Variants in PCDHGB5 observed in about 807,000 individuals in gnomAD.
The protein encoded by PCDHGB5 is protocadherin gamma-B5.
Under a neutral mutation model 62.9 loss-of-function variants are expected in PCDHGB5, and 48 were observed. The observed-to-expected ratio is 0.76, with a 90% confidence interval of 0.61 to 0.97. The LOEUF is 0.97. PCDHGB5 is among the 50% of genes least tolerant of loss of function. PCDHGB5 has a pLI of 0.00. For synonymous variants in PCDHGB5, 474 were observed against 511.2 expected, an observed-to-expected ratio of 0.93 and a Z score of 0.98; for missense variants, 1,118 against 1,198.6, an observed-to-expected ratio of 0.93 and a Z score of 0.99.
At chr5:141,478,189 C>T (rs774322691) in intron 1 of PCDHGB5, 1 of 1,614,020 alleles carries the variant, frequency 6.2e-7, no homozygotes, top group South Asian at 1.1e-5. Context: ...AAAATCTCAC[C>T]TTTTATCTAC....
Position 141,432,298 on chromosome 5 carries a change from A to T in PCDHGB5, c.2397+31774A>T. Reference sequence around the variant, plus strand: ...TGTCCATCAACTCCGACACTGGGGTACTGTATGCGCTGAGCTCCTTCGACT... The same window carrying T: ...TGTCCATCAACTCCGACACTGGGGTTCTGTATGCGCTGAGCTCCTTCGACT... On this transcript the variant is annotated intron_variant, in intron 1 of 3. Transcript: ENST00000617380. The surrounding 1 kb of genome is among the most constrained non-coding windows in gnomAD (Gnocchi z 6.0). The T allele has an allele frequency of 6.2e-7, 1 of 1,614,236 alleles. No homozygotes were observed. Among genetic ancestry groups the T allele is most frequent in the Non-Finnish European group, 8.5e-7 (1 of 1,180,036 alleles).
rs752796935 is a variant in PCDHGB5 at position 141,399,900 on chromosome 5, C to A, written c.1773C>A (p.Asp591Glu). ...TGGTGACCAAGGTAGTGGCCGTGGA[C>A]GCAGACTCAGGACACAACGCCTGGC... ...GYLVTKVVAV[D>E]ADSGHNAWLS... The change falls in exon 1 of 4, where the codon GAC (aspartate) becomes GAA (glutamate). Residue 591 changes from aspartate (D) to glutamate (E), a missense_variant. Physicochemically the swap from Asp to Glu is conservative, Grantham distance 45. Coordinates refer to ENST00000617380, the MANE Select transcript of PCDHGB5 (RefSeq NM_018925.3). The A allele has an allele frequency of 6.2e-7, 1 of 1,612,532 alleles. No individual in the cohort carries two copies. Among genetic ancestry groups the A allele is most frequent in the African/African-American group, 1.3e-5 (1 of 75,032 alleles).
At chr5:141,419,104 C>T (rs756257411) in intron 1 of PCDHGB5, 75 of 1,613,732 alleles carry the variant, frequency 4.6e-5, no homozygotes, top group Non-Finnish European at 5.9e-5. Context: ...GGGAGCAGAC[C>T]CCAGAGTACA....
At chr5:141,419,723 C>A in intron 1 of PCDHGB5, 6 of 1,613,292 alleles carry the variant, frequency 3.7e-6, no homozygotes, top group Non-Finnish European at 5.1e-6. Flanking sequence ...CCTGGGGCTG[C>A]GAACAGGCGA....
intron 1 of PCDHGB5, among the ~76,000 whole-genome samples, chr5:141,402,640 T>G (rs1180615388): frequency 1.3e-5 from 2 of 152,232 alleles, no homozygotes; most frequent in East Asian, 3.8e-4. Flanking sequence ...TCTAAAATCA[T>G]AATTAGAAGA....
At chr5:141,430,100 C>T (rs6874907) in intron 1 of PCDHGB5, among the ~76,000 whole-genome samples, 7,606 of 152,160 alleles carry the variant, frequency 0.05, 372 homozygotes, top group African/African-American at 0.13. Context: ...GATTTTTAAG[C>T]GTTACATGTC....
chr5:141,490,882 A>G lies in PCDHGB5; in HGVS notation c.2398-3925A>G, dbSNP rs758716907. ...CGGCTCTCCCCCATTGCATGCCAAC[A>G]CATCTCTGCATGTGTTTGTCCTAGA... On this transcript the variant is annotated intron_variant, in intron 1 of 3. Coordinates refer to ENST00000617380, the MANE Select transcript of PCDHGB5 (RefSeq NM_018925.3). This position sits in a 1 kb window ranked among gnomAD's most constrained non-coding sequence, Gnocchi z 5.4. 6.2e-7 allele frequency: 1 copy of G among 1,613,848 alleles called. No individual in the cohort carries two copies. Among genetic ancestry groups the G allele is most frequent in the Non-Finnish European group, 8.5e-7 (1 of 1,179,920 alleles).
intron 1 of PCDHGB5, 111 bp downstream of exon 1, chr5:141,400,635 TG>T: frequency 7.3e-7 from 1 of 1,373,110 alleles, no homozygotes; most frequent in Non-Finnish European, 1.0e-6. Flanking sequence ...AAGTCAGAGC[TG>T]CTCAGAAAGC....
intron 1 of PCDHGB5, chr5:141,478,812 A>C: frequency 1.4e-6 from 2 of 1,453,554 alleles, no homozygotes; most frequent in Non-Finnish European, 1.8e-6. Context: ...TTGCTATCAC[A>C]ACTAACCAAT....
At chr5:141,465,714 C>T (rs1015102102) in intron 1 of PCDHGB5, among the ~76,000 whole-genome samples, 4 of 152,200 alleles carry the variant, frequency 2.6e-5, no homozygotes, top group Non-Finnish European at 5.9e-5. Context: ...AATGCCACCA[C>T]TTCCACCTCT....
intron 1 of PCDHGB5, chr5:141,440,479 T>C (rs949675242): frequency 6.6e-6 from 1 of 152,172 alleles, no homozygotes; most frequent in African/African-American, 2.4e-5. Context: ...TTGAAAATTC[T>C]TTAAATGTTT....
At chr5:141,410,846 TGTC>T (rs1025068052) in intron 1 of PCDHGB5, 5 of 423,660 alleles carry the variant, frequency 1.2e-5, no homozygotes, top group South Asian at 4.0e-5. Flanking sequence ...ATTTTGTCTT[TGTC>T]TTTTTTTTTT....
intron 1 of PCDHGB5, chr5:141,405,016 C>T: frequency 6.2e-7 from 1 of 1,614,006 alleles, no homozygotes; most frequent in Non-Finnish European, 8.5e-7. Flanking sequence ...AGGCCTCAGA[C>T]CTTACCCTCT....
intron 1 of PCDHGB5, among the ~76,000 whole-genome samples, chr5:141,473,698 T>A (rs2099327181): frequency 6.6e-6 from 1 of 152,166 alleles, no homozygotes; most frequent in Non-Finnish European, 1.5e-5. Context: ...CTGACCACCC[T>A]CCAAGTGGTG....
rs1393975550 is a variant in PCDHGB5 at position 141,399,577 on chromosome 5, TC to T, written c.1452del (p.Tyr485ThrfsTer8). 6.2e-7 allele frequency: 1 copy of T among 1,613,972 alleles called. No homozygotes were observed. Among genetic ancestry groups the T allele is most frequent in the Non-Finnish European group, 8.5e-7 (1 of 1,179,884 alleles). On this transcript the variant is annotated frameshift_variant, in exon 1 of 4. Coordinates refer to ENST00000617380, the MANE Select transcript of PCDHGB5 (RefSeq NM_018925.3). LOFTEE classifies it high-confidence loss of function. ...GGACTTGGGGTTGAACGGCCAAGTC[TC>T]CTACTCTATCATGGCCAGCGACCTA... ...DLDLGLNGQV[S>X]YSIMASDLEP...
intron 1 of PCDHGB5, among the ~76,000 whole-genome samples, chr5:141,481,039 C>T (rs748434260): frequency 4.6e-5 from 7 of 152,048 alleles, no homozygotes; most frequent in Non-Finnish European, 8.8e-5. Flanking sequence ...GCCTGGGCGA[C>T]AGAGCGAGAC....
intron 1 of PCDHGB5, among the ~76,000 whole-genome samples, chr5:141,473,759 C>G (rs989399714): frequency 3.3e-5 from 5 of 152,158 alleles, no homozygotes; most frequent in African/African-American, 1.2e-4. Flanking sequence ...GGATACTATG[C>G]AAAGGATTTG....
Position 141,431,067 on chromosome 5 carries a change from A to G in PCDHGB5, c.2397+30543A>G. The G allele has an allele frequency of 1.2e-6, 2 of 1,614,164 alleles. No homozygotes were observed. Among genetic ancestry groups the G allele is most frequent in the Non-Finnish European group, 1.7e-6 (2 of 1,179,976 alleles). Reference sequence around the variant, plus strand: ...CTCTGTATGGGGGCCATCAAGTGTCAATTAAATCTAGACATTCTGATGGAG... The same window carrying G: ...CTCTGTATGGGGGCCATCAAGTGTCGATTAAATCTAGACATTCTGATGGAG... On this transcript the variant is annotated intron_variant, in intron 1 of 3. Transcript: ENST00000617380. This position sits in a 1 kb window ranked among gnomAD's most constrained non-coding sequence, Gnocchi z 4.8.
Position 141,489,569 on chromosome 5 carries a change from C to T in PCDHGB5, c.2398-5238C>T. On this transcript the variant is annotated intron_variant, in intron 1 of 3. Coordinates refer to ENST00000617380, the MANE Select transcript of PCDHGB5 (RefSeq NM_018925.3). This position sits in a 1 kb window ranked among gnomAD's most constrained non-coding sequence, Gnocchi z 4.5. ...TGCCTGCTGCCAGTGCAGGTGGTGACTGAACACCCCCTGGAGCTAATCCGT... is the reference window on the plus strand; with the variant it reads ...TGCCTGCTGCCAGTGCAGGTGGTGATTGAACACCCCCTGGAGCTAATCCGT... 6.2e-7 allele frequency: 1 copy of T among 1,614,024 alleles called. No homozygotes were observed. The highest frequency in any genetic ancestry group is 2.2e-5 in the East Asian group (1 of 44,870).
Sources: allele counts gnomAD v4.1 joint callset (sites outside exome capture counted in the v4.1 genomes callset), GRCh38; gene constraint gnomAD v4.1.1; non-coding constraint Gnocchi (gnomAD v3.1); transcripts MANE v1.5; gene names NCBI Gene and HGNC (gene_info 2026-07-23, HGNC 2026-07-21).